NAV2: variants seen among roughly 807,000 people sequenced by gnomAD.
The protein encoded by NAV2 is helicase, APC down-regulated 1.
NAV2 carries 54 observed loss-of-function variants against 223.2 expected under a neutral mutation model. The observed-to-expected ratio is 0.24, with a 90% CI of 0.19 to 0.30. NAV2 has a LOEUF of 0.30. Ranked by LOEUF, NAV2 falls within the 10% of genes least tolerant of loss-of-function variation. The pLI, the probability that NAV2 is intolerant of heterozygous loss-of-function variation, is 1.00. For missense variants in NAV2, 2,806 were observed against 3,147.5 expected, an observed-to-expected ratio of 0.89 and a Z score of 2.60; for synonymous variants, 1,279 against 1,239.3, an observed-to-expected ratio of 1.03 and a Z score of -0.67.
chr11:19,569,784 G>A (rs1327149653), intron 1 of NAV2, among the ~76,000 whole-genome samples: 1 of 152,170 alleles, frequency 6.6e-6, no homozygotes, highest in African/African-American at 2.4e-5. Flanking sequence ...TCCCTGGGGA[G>A]GGAGAACTGC....
rs2063293434 is a variant in NAV2, at chr11:20,118,205, A to T, written c.7237A>T (p.Ser2413Cys). 8 of 1,614,088 alleles carry T rather than the reference A, an allele frequency of 5.0e-6. No individual in the cohort carries two copies. The highest frequency in any genetic ancestry group is 6.8e-6 in the Non-Finnish European group (8 of 1,179,976). The part of the protein sequence containing the change: ...SPQSYDSDSN[S>C]NSHHDDILDS... ...CCAGAGCTATGACAGCGACTCCAAC[A>T]GCAACAGCCATCACGATGACATCTT... The change falls in exon 38 of 38, where the codon AGC becomes TGC. Residue 2413 changes from serine to cysteine, a missense_variant. Transcript: ENST00000349880.
chr11:19,858,883 CT>C, intron 3 of NAV2, among the ~76,000 whole-genome samples: 1 of 152,282 alleles, frequency 6.6e-6, no homozygotes, highest in East Asian at 1.9e-4. Flanking sequence ...GGAAATGCCG[CT>C]GGTATGAAAA....
intron 1 of NAV2, among the ~76,000 whole-genome samples, chr11:19,603,631 CAAAAA>C (rs1222524445): frequency 1.7e-5 from 1 of 57,724 alleles, no homozygotes; most frequent in African/African-American, 4.6e-5. Flanking sequence ...GACTCCATCT[CAAAAA>C]AAAAAAAAAA....
At chr11:19,572,303 C>A (rs1487199) in intron 1 of NAV2, among the ~76,000 whole-genome samples, 47,773 of 152,074 alleles carry the variant, frequency 0.31, 7,605 homozygotes, top group East Asian at 0.49. Flanking sequence ...TAAAGCCCTC[C>A]GTCCCTTCTT....
At chr11:19,741,652 A>G (rs2152459278) in intron 1 of NAV2, among the ~76,000 whole-genome samples, 1 of 147,216 alleles carries the variant, frequency 6.8e-6, no homozygotes, top group Admixed American at 6.7e-5. Context: ...GTTGAATAAT[A>G]TTTCATTGTG....
chr11:19,968,190 T>TTTTGTTTG (rs367723103), intron 10 of NAV2, among the ~76,000 whole-genome samples: 1 of 151,978 alleles, frequency 6.6e-6, no homozygotes, highest in Non-Finnish European at 1.5e-5. Flanking sequence ...GTTGATGTAG[T>TTTTGTTTG]TTTGTTTGTT....
At chr11:20,028,541 A>G (rs2055338734) in intron 11 of NAV2, among the ~76,000 whole-genome samples, 1 of 152,184 alleles carries the variant, frequency 6.6e-6, no homozygotes, top group Non-Finnish European at 1.5e-5. Flanking sequence ...TGATTAAGCT[A>G]GTTAACAGAT....
At chr11:19,647,220 A>C (rs1211912941) in intron 1 of NAV2, among the ~76,000 whole-genome samples, 1 of 152,126 alleles carries the variant, frequency 6.6e-6, no homozygotes, top group African/African-American at 2.4e-5. Flanking sequence ...TACTTTGTCC[A>C]CTGTTGCAGA....
intron 7 of NAV2, among the ~76,000 whole-genome samples, chr11:19,935,864 T>TTTTTTTTTGTTTTTG (rs2045835331): frequency 2.0e-5 from 2 of 101,154 alleles, no homozygotes; most frequent in Non-Finnish European, 4.1e-5. Context: ...TTTTTTTTTT[T>TTTTTTTTTGTTTTTG]TTTTTTTTTT....
chr11:19,535,029 T>G (rs11025168), intron 1 of NAV2, among the ~76,000 whole-genome samples: 11,686 of 152,176 alleles, frequency 0.077, 539 homozygotes, highest in East Asian at 0.16. Flanking sequence ...AATAAGTGCT[T>G]AATAAATCAT....
intron 1 of NAV2, among the ~76,000 whole-genome samples, chr11:19,419,134 G>A (rs896418937): frequency 1.3e-5 from 2 of 152,162 alleles, no homozygotes; most frequent in Non-Finnish European, 2.9e-5. Context: ...CACTGTGCTG[G>A]AGTTTGGGTG....
intron 1 of NAV2, among the ~76,000 whole-genome samples, chr11:19,756,710 C>T (rs1417578611): frequency 1.3e-5 from 2 of 152,194 alleles, no homozygotes; most frequent in East Asian, 1.9e-4. Context: ...CAGTATGCCG[C>T]GTGAAACTAT....
chr11:19,728,306 T>C (rs562467609), intron 1 of NAV2, among the ~76,000 whole-genome samples: 1 of 152,274 alleles, frequency 6.6e-6, no homozygotes, highest in South Asian at 2.1e-4. Flanking sequence ...GCATATTCAG[T>C]GGTTCTTCAC....
At position 19,944,568 on chromosome 11, in the gene NAV2, CTTTCCA is replaced by C. The variant is rs368917717; in HGVS notation, c.2147-1817_2147-1812del. ...TTCCATTTCTTTTCTTTCCCTTTCC[CTTTCCA>C]TTTCCATTTCCATTTTCCTTTCCTT... On this transcript the variant is annotated intron_variant, in intron 8 of 37. Coordinates refer to ENST00000349880, the MANE Select transcript of NAV2 (RefSeq NM_145117.5). Among the ~76,000 whole-genome samples, 1,096 of 148,924 alleles carry C rather than the reference CTTTCCA, an allele frequency of 7.4e-3. 8 individuals carry two copies. The highest frequency in any genetic ancestry group is 0.025 in the African/African-American group (1,021 of 40,442).
At chr11:19,911,633 T>C (rs1176861766) in intron 6 of NAV2, among the ~76,000 whole-genome samples, 2 of 152,138 alleles carry the variant, frequency 1.3e-5, no homozygotes, top group Non-Finnish European at 2.9e-5. Flanking sequence ...TGTTTTATCC[T>C]GTCACCTCAC....
intron 1 of NAV2, among the ~76,000 whole-genome samples, chr11:19,393,910 T>TTTC (rs1249098244): frequency 2.0e-5 from 3 of 150,004 alleles, no homozygotes; most frequent in South Asian, 2.1e-4. Context: ...TTTTTTCTTT[T>TTTC]TTTTTTTTTA....
chr11:20,016,444 C>CT (rs1348831466), intron 11 of NAV2, among the ~76,000 whole-genome samples: 2 of 152,236 alleles, frequency 1.3e-5, no homozygotes, highest in Non-Finnish European at 2.9e-5. Context: ...AATATGTGTG[C>CT]TTTTACATGT....
chr11:19,753,134 GA>G (rs1721494430), intron 1 of NAV2, among the ~76,000 whole-genome samples: 1 of 152,188 alleles, frequency 6.6e-6, no homozygotes, highest in South Asian at 2.1e-4. Context: ...CCAGAACTGA[GA>G]AATGAATGTT....
chr11:19,682,271 T>G (rs1245049020), intron 1 of NAV2, among the ~76,000 whole-genome samples: 1 of 152,230 alleles, frequency 6.6e-6, no homozygotes, highest in Non-Finnish European at 1.5e-5. Flanking sequence ...TTCCACATGC[T>G]TGGTATGTGC....
Sources: gnomAD v4.1 joint callset for allele counts (sites outside exome capture counted in the v4.1 genomes callset) on GRCh38, gnomAD v4.1.1 for gene constraint, MANE v1.5 for transcripts, NCBI Gene and HGNC (gene_info 2026-07-23, HGNC 2026-07-21) for gene names.